NSMCE2: variants seen among roughly 807,000 people sequenced by gnomAD.
The protein encoded by NSMCE2 is NSE2 SUMO ligase component of SMC5/6 complex.
NSMCE2 carries 24 observed loss-of-function variants against 23.8 expected under a neutral mutation model. The ratio of observed to expected loss-of-function variants is 1.01; its 90% CI spans 0.73 to 1.42. The LOEUF is 1.42. Among genes scored for constraint, NSMCE2 ranks in the 40% most tolerant of loss-of-function variants. NSMCE2 has a pLI of 0.00. For synonymous variants in NSMCE2, 92 were observed against 94.1 expected, an observed-to-expected ratio of 0.98 and a Z score of 0.13; for missense variants, 284 against 296.5, an observed-to-expected ratio of 0.96 and a Z score of 0.31.
chr8:125,174,515 G>A (rs975536195), intron 4 of NSMCE2, among the ~76,000 whole-genome samples: 6 of 152,094 alleles, frequency 3.9e-5, no homozygotes, highest in Admixed American at 2.6e-4. Flanking sequence ...GAAATTTATT[G>A]GAGTAATTTT....
chr8:125,166,752 A>G (rs1321302881), intron 4 of NSMCE2, among the ~76,000 whole-genome samples: 1 of 152,194 alleles, frequency 6.6e-6, no homozygotes, highest in Non-Finnish European at 1.5e-5. Context: ...CAGTGGTCCC[A>G]GCTATGGAAG....
chr8:125,178,328 T>C (rs1822594923), intron 4 of NSMCE2, among the ~76,000 whole-genome samples: 1 of 152,210 alleles, frequency 6.6e-6, no homozygotes, highest in Non-Finnish European at 1.5e-5. Context: ...GAGCACTCAC[T>C]GAATACTGGA....
intron 5 of NSMCE2, among the ~76,000 whole-genome samples, chr8:125,243,861 G>A (rs141380961): frequency 1.2e-3 from 190 of 152,268 alleles, no homozygotes; most frequent in African/African-American, 4.5e-3. Context: ...GCTTGCTGAG[G>A]CATCTTTTCT....
chr8:125,141,845 G>A (rs747124436), intron 3 of NSMCE2, among the ~76,000 whole-genome samples: 20 of 152,070 alleles, frequency 1.3e-4, no homozygotes, highest in Non-Finnish European at 1.5e-5. Context: ...TTAGCTGCCC[G>A]TTCTTCTTGC....
chr8:125,124,659 G>GCAACA (rs1819428392), intron 3 of NSMCE2, among the ~76,000 whole-genome samples: 1 of 151,522 alleles, frequency 6.6e-6, no homozygotes, highest in Non-Finnish European at 1.5e-5. Context: ...TTTGTATTTT[G>GCAACA]TAGAGACAAG....
intron 5 of NSMCE2, among the ~76,000 whole-genome samples, chr8:125,186,432 A>G (rs777221628): frequency 4.6e-5 from 7 of 152,164 alleles, no homozygotes; most frequent in Non-Finnish European, 7.4e-5. Context: ...AATACCATCC[A>G]TTTGTCTCAA....
chr8:125,093,674 GATC>G (rs1817789057), intron 1 of NSMCE2, among the ~76,000 whole-genome samples: 1 of 152,158 alleles, frequency 6.6e-6, no homozygotes, highest in Admixed American at 6.5e-5. Flanking sequence ...GGTGAGCCGA[GATC>G]ATGCCACTGC....
Position 125,208,654 on chromosome 8 carries a change from G to A in NSMCE2, c.418+26398G>A, listed in dbSNP as rs187131016. On this transcript the variant is annotated intron_variant, in intron 5 of 7. Coordinates refer to ENST00000287437, the MANE Select transcript of NSMCE2 (RefSeq NM_173685.4). ...GACAAATGATTGAGTGCCAGCGTAA[G>A]TGTTTCATACAATTAACACCTGAGA... is the stretch of plus-strand genomic sequence containing the variant. Among the ~76,000 whole-genome samples, 258 of 152,326 alleles carry A rather than the reference G, an allele frequency of 1.7e-3. 2 individuals carry two copies. The highest frequency in any genetic ancestry group is 1.8e-3 in the Non-Finnish European group (124 of 68,032).
chr8:125,356,326 G>GTTTTTTTTT (rs747884264), intron 5 of NSMCE2, among the ~76,000 whole-genome samples: 3 of 105,436 alleles, frequency 2.8e-5, no homozygotes, highest in Non-Finnish European at 3.6e-5. Flanking sequence ...TAATTTTTTG[G>GTTTTTTTTT]TTTTTTTTTT....
intron 5 of NSMCE2, among the ~76,000 whole-genome samples, chr8:125,208,428 T>G (rs1258223414): frequency 2.6e-5 from 4 of 152,206 alleles, no homozygotes; most frequent in African/African-American, 7.2e-5. Context: ...TTCAAGAAGT[T>G]TATATGCTTA....
intron 5 of NSMCE2, among the ~76,000 whole-genome samples, chr8:125,208,619 A>G (rs1386414102): frequency 6.6e-6 from 1 of 152,224 alleles, no homozygotes; most frequent in Admixed American, 6.5e-5. Context: ...TTAGAAAAAG[A>G]ATAGGAGGAG....
chr8:125,299,441 GGA>G (rs776430131), intron 5 of NSMCE2, among the ~76,000 whole-genome samples: 2 of 152,144 alleles, frequency 1.3e-5, no homozygotes, highest in African/African-American at 2.4e-5. Context: ...CATGGCAACA[GGA>G]GAGAGAGCGA....
At chr8:125,331,877 ACTT>A (rs1421328997) in intron 5 of NSMCE2, among the ~76,000 whole-genome samples, 2 of 152,232 alleles carry the variant, frequency 1.3e-5, no homozygotes, top group Non-Finnish European at 2.9e-5. Context: ...TGGTCTGGGT[ACTT>A]CTTGTAAACT....
intron 5 of NSMCE2, among the ~76,000 whole-genome samples, chr8:125,197,821 G>A (rs1293797951): frequency 1.3e-5 from 2 of 152,206 alleles, no homozygotes; most frequent in Admixed American, 1.3e-4. Context: ...TCCTATCCAT[G>A]AGTATGAAAT....
At chr8:125,228,131 A>T (rs1014942016) in intron 5 of NSMCE2, among the ~76,000 whole-genome samples, 1 of 152,146 alleles carries the variant, frequency 6.6e-6, no homozygotes, top group African/African-American at 2.4e-5. Context: ...TAATTTTTAG[A>T]TCATTTCTTG....
chr8:125,225,990 G>T (rs1825075175), intron 5 of NSMCE2, among the ~76,000 whole-genome samples: 1 of 152,152 alleles, frequency 6.6e-6, no homozygotes, highest in African/African-American at 2.4e-5. Context: ...CTCTGAAGTT[G>T]CCCCCACTTA....
At chr8:125,107,690 A>G (rs996647700) in intron 3 of NSMCE2, among the ~76,000 whole-genome samples, 1 of 152,184 alleles carries the variant, frequency 6.6e-6, no homozygotes, top group African/African-American at 2.4e-5. Context: ...GCAAATGTTA[A>G]AAAAGAAAAA....
intron 3 of NSMCE2, among the ~76,000 whole-genome samples, chr8:125,111,571 G>A (rs183687521): frequency 1.1e-4 from 16 of 152,218 alleles, no homozygotes; most frequent in Admixed American, 6.5e-5. Flanking sequence ...AGGCCGAGGC[G>A]GGCGGATCAC....
chr8:125,224,047 G>C (rs769712872), intron 5 of NSMCE2, among the ~76,000 whole-genome samples: 1 of 152,026 alleles, frequency 6.6e-6, no homozygotes, highest in Admixed American at 6.6e-5. Flanking sequence ...CTGTTTTCAG[G>C]CTGGTCTTAA....
Sources: gnomAD v4.1 joint callset for allele counts (sites outside exome capture counted in the v4.1 genomes callset) on GRCh38, gnomAD v4.1.1 for gene constraint, MANE v1.5 for transcripts, NCBI Gene and HGNC (gene_info 2026-07-23, HGNC 2026-07-21) for gene names.